The following DYNC2H1 variants were observed in gnomAD, a reference collection of about 807,000 sequenced individuals.
The protein encoded by DYNC2H1 is dynein cytoplasmic 2 heavy chain 1.
A neutral mutation model predicts 570.0 loss-of-function variants in DYNC2H1; 410 were observed. That is an observed-to-expected ratio of 0.72 (90% confidence interval 0.66 to 0.78). The LOEUF (loss-of-function observed/expected upper bound fraction) is 0.78. Ranked by LOEUF, DYNC2H1 falls within the 30% of genes least tolerant of loss-of-function variation. The pLI is 0.00. For synonymous variants in DYNC2H1, 1,688 were observed against 1,677.6 expected (o/e 1.01, Z -0.15); for missense variants, 4,865 against 5,046.4 (o/e 0.96, Z 1.09).
At chr11:103,126,134 A>G (rs1308966979) in intron 12 of DYNC2H1, among the ~76,000 whole-genome samples, 1 of 152,100 alleles carries the variant, frequency 6.6e-6, no homozygotes. Context: ...TTATTCTTTT[A>G]TTCAACAAGG....
intron 84 of DYNC2H1, among the ~76,000 whole-genome samples, chr11:103,409,974 A>G (rs149752365): frequency 6.6e-6 from 1 of 150,600 alleles, no homozygotes; most frequent in African/African-American, 2.5e-5. Flanking sequence ...CCTTTATATA[A>G]GATAAATGGT....
intron 83 of DYNC2H1, among the ~76,000 whole-genome samples, chr11:103,398,632 A>C (rs1222884836): frequency 2.0e-5 from 3 of 152,182 alleles, no homozygotes; most frequent in Non-Finnish European, 4.4e-5. Flanking sequence ...AATTAAGATA[A>C]TGAGTAGTAG....
At chr11:103,240,806 A>G (rs1441179195) in intron 63 of DYNC2H1, among the ~76,000 whole-genome samples, 1 of 152,116 alleles carries the variant, frequency 6.6e-6, no homozygotes, top group African/African-American at 2.4e-5. Context: ...CAATTAATAT[A>G]TTTTAGTGAT....
In DYNC2H1 at chr11:103,117,882, A is replaced by G. The variant is rs1858497066; in HGVS notation, c.999+19A>G. The G allele has an allele frequency of 6.3e-7, 1 of 1,581,464 alleles. No homozygotes were observed. Among genetic ancestry groups the G allele is most frequent in the African/African-American group, 1.3e-5 (1 of 74,082 alleles). On this transcript the variant is annotated intron_variant, in intron 6 of 88. Coordinates refer to ENST00000375735, the MANE Select transcript of DYNC2H1 (RefSeq NM_001377.3). ...TGAAGAGGTATCAATTTGATTATCT[A>G]GATCTTTGTCTTTAAATGTAAAGTG... is the stretch of plus-strand genomic sequence containing the variant.
intron 85 of DYNC2H1, among the ~76,000 whole-genome samples, chr11:103,441,561 T>C (rs1393952452): frequency 6.6e-6 from 1 of 152,072 alleles, no homozygotes; most frequent in Non-Finnish European, 1.5e-5. Flanking sequence ...CTTGTACAAA[T>C]AGGCTTTTCA....
Position 103,423,421 on chromosome 11 carries a change from A to G in DYNC2H1, c.12367-12522A>G, listed in dbSNP as rs200025805. On this transcript the variant is annotated intron_variant, in intron 84 of 88. Transcript: ENST00000375735. ...AAGCCAAAAAAGTAAAAAAAAAAAA[A>G]AAAAAAAAAAAAAAAAACCCTGCAA... 1.6e-3 allele frequency among the ~76,000 whole-genome samples: 48 copies of G among 30,232 alleles called. 1 individual carries two copies. Among genetic ancestry groups the G allele is most frequent in the African/African-American group, 0.012 (46 of 3,994 alleles). The allele number at this position is 30,232 out of a possible 152,430, so 19.8% of individuals were successfully genotyped here.
intron 48 of DYNC2H1, among the ~76,000 whole-genome samples, chr11:103,198,516 A>G (rs1862591017): frequency 6.6e-6 from 1 of 152,196 alleles, no homozygotes; most frequent in African/African-American, 2.4e-5. Context: ...GTGCTATCCT[A>G]GAGAGTTTCT....
At chr11:103,429,158 G>T (rs1943796140) in intron 84 of DYNC2H1, among the ~76,000 whole-genome samples, 1 of 151,962 alleles carries the variant, frequency 6.6e-6, no homozygotes, top group Admixed American at 6.6e-5. Flanking sequence ...CTACTCGGGA[G>T]ACTGAGGTAG....
At chr11:103,346,113 A>T (rs527746234) in intron 82 of DYNC2H1, among the ~76,000 whole-genome samples, 1 of 152,188 alleles carries the variant, frequency 6.6e-6, no homozygotes, top group Non-Finnish European at 1.5e-5. Context: ...TGACTTTTCT[A>T]TTGCCAAAGA....
intron 59 of DYNC2H1, among the ~76,000 whole-genome samples, chr11:103,226,885 A>G (rs530508873): frequency 6.6e-6 from 1 of 152,244 alleles, no homozygotes; most frequent in African/African-American, 2.4e-5. Flanking sequence ...TGGTCTGTTA[A>G]GAGGTTCTAT....
intron 29 of DYNC2H1, 60 bp from the exon 30 acceptor site, chr11:103,162,968 T>G: frequency 6.9e-7 from 1 of 1,438,860 alleles, no homozygotes; most frequent in Non-Finnish European, 9.6e-7. Context: ...ATGTCTTATA[T>G]ATATTATTTT....
At chr11:103,132,860 G>C (rs1859348192) in intron 13 of DYNC2H1, among the ~76,000 whole-genome samples, 1 of 151,876 alleles carries the variant, frequency 6.6e-6, no homozygotes, top group Admixed American at 6.6e-5. Context: ...GCTTCCTACT[G>C]GGCCCTGTTG....
chr11:103,415,430 G>A (rs1943247196), intron 84 of DYNC2H1, among the ~76,000 whole-genome samples: 2 of 152,106 alleles, frequency 1.3e-5, no homozygotes, highest in South Asian at 2.1e-4. Flanking sequence ...ATCTGACAAA[G>A]GGCTAATATC....
intron 85 of DYNC2H1, among the ~76,000 whole-genome samples, chr11:103,443,079 T>C (rs2135772639): frequency 6.6e-6 from 1 of 152,144 alleles, no homozygotes; most frequent in Non-Finnish European, 1.5e-5. Context: ...ACTTTTATTT[T>C]TGGTAAAGAA....
At chr11:103,215,549 A>G (rs1479928681) in intron 54 of DYNC2H1, among the ~76,000 whole-genome samples, 172 bp from the exon 55 acceptor site, 1 of 152,184 alleles carries the variant, frequency 6.6e-6, no homozygotes, top group African/African-American at 2.4e-5. Flanking sequence ...AATGAGTATC[A>G]TGTGAAATAA....
chr11:103,459,932 C>T (rs1355789200), intron 87 of DYNC2H1, among the ~76,000 whole-genome samples: 1 of 130,030 alleles, frequency 7.7e-6, no homozygotes, highest in African/African-American at 3.1e-5. Context: ...GCAGTCCGGC[C>T]TGGGCGACAG....
intron 83 of DYNC2H1, among the ~76,000 whole-genome samples, chr11:103,393,313 T>C (rs983159279): frequency 4.6e-5 from 7 of 152,344 alleles, no homozygotes; most frequent in African/African-American, 1.4e-4. Context: ...TAATGTGAGA[T>C]TGTATTGTTA....
chr11:103,271,247 G>T (rs1387050063), intron 70 of DYNC2H1, among the ~76,000 whole-genome samples: 1 of 152,124 alleles, frequency 6.6e-6, no homozygotes, highest in Non-Finnish European at 1.5e-5. Context: ...CTACTAAAGT[G>T]AATCTTAATA....
At chr11:103,333,267 G>A (rs981961752) in intron 82 of DYNC2H1, among the ~76,000 whole-genome samples, 1 of 152,074 alleles carries the variant, frequency 6.6e-6, no homozygotes, top group Non-Finnish European at 1.5e-5. Context: ...TGTGTTGTTT[G>A]TTTCTTTGTT....
Sources: gnomAD v4.1 joint callset for allele counts (sites outside exome capture counted in the v4.1 genomes callset) on GRCh38, gnomAD v4.1.1 for gene constraint, MANE v1.5 for transcripts, NCBI Gene and HGNC (gene_info 2026-07-23, HGNC 2026-07-21) for gene names.